Variants in ACACA observed in about 807,000 individuals in gnomAD.
ACACA encodes acetyl-CoA carboxylase 1.
Under a neutral mutation model 296.1 loss-of-function variants are expected in ACACA, and 103 were observed. The ratio of observed to expected loss-of-function variants is 0.35; its 90% CI spans 0.30 to 0.41. The LOEUF (loss-of-function observed/expected upper bound fraction) is 0.41, where lower values mean the gene tolerates loss of function less well. Ranked by LOEUF, ACACA falls within the 10% of genes least tolerant of loss-of-function variation. The pLI, the probability that ACACA is intolerant of heterozygous loss-of-function variation, is 1.00. For missense variants in ACACA, 1,554 were observed against 2,989.7 expected (o/e 0.52, Z 11.20); for synonymous variants, 953 against 1,038.6 (o/e 0.92, Z 1.58).
At chr17:37,316,678 A>G (rs1010377149) in intron 3 of ACACA, among the ~76,000 whole-genome samples, 2 of 152,208 alleles carry the variant, frequency 1.3e-5, no homozygotes, top group African/African-American at 4.8e-5. Context: ...CATATAACCC[A>G]GCAATTCCAC....
At chr17:37,297,265 A>C (rs1214506487) in intron 3 of ACACA, among the ~76,000 whole-genome samples, 4 of 151,198 alleles carry the variant, frequency 2.6e-5, no homozygotes, top group Non-Finnish European at 5.9e-5. Flanking sequence ...AACATGGAGA[A>C]ACCCCATCTC....
intron 3 of ACACA, among the ~76,000 whole-genome samples, chr17:37,313,551 T>C (rs1425000952): frequency 6.6e-6 from 1 of 152,184 alleles, no homozygotes; most frequent in Non-Finnish European, 1.5e-5. Flanking sequence ...GACATACAAT[T>C]AGCAAACAGC....
chr17:37,187,467 G>A (rs1167010589), intron 39 of ACACA, among the ~76,000 whole-genome samples: 5 of 152,154 alleles, frequency 3.3e-5, no homozygotes, highest in Non-Finnish European at 5.9e-5. Context: ...TCAGGCCAAA[G>A]CCATAAAATA....
intron 40 of ACACA, 46 bp downstream of exon 40, chr17:37,181,155 C>A (rs1037031841): frequency 2.5e-6 from 4 of 1,609,424 alleles, no homozygotes; most frequent in Non-Finnish European, 3.4e-6. Context: ...TTCAGGGAAA[C>A]CTTGCCTCCT....
chr17:37,139,373 AGGT>A (rs1242988886), intron 45 of ACACA, among the ~76,000 whole-genome samples: 1 of 152,166 alleles, frequency 6.6e-6, no homozygotes, highest in Admixed American at 6.5e-5. Context: ...AGAACCCTGG[AGGT>A]GGAAATGGAC....
At chr17:37,166,608 G>A (rs2076678087) in intron 41 of ACACA, among the ~76,000 whole-genome samples, 1 of 152,122 alleles carries the variant, frequency 6.6e-6, no homozygotes, top group Non-Finnish European at 1.5e-5. Flanking sequence ...TTTACTATCT[G>A]CTGTACTGTT....
chr17:37,128,779 A>C (rs2074950625), intron 47 of ACACA, among the ~76,000 whole-genome samples: 2 of 152,250 alleles, frequency 1.3e-5, no homozygotes, highest in South Asian at 4.1e-4. Context: ...CTATATAATT[A>C]AAAGTTCTGG....
chr17:37,258,005 G>T, intron 13 of ACACA, 139 bp from the exon 14 acceptor site: 1 of 1,225,628 alleles, frequency 8.2e-7, no homozygotes, highest in Non-Finnish European at 1.2e-6. Flanking sequence ...AAGACCCAGT[G>T]CCACAGACCC....
intron 1 of ACACA, among the ~76,000 whole-genome samples, chr17:37,399,091 T>G (rs951447806): frequency 6.6e-5 from 10 of 151,638 alleles, no homozygotes; most frequent in African/African-American, 2.4e-4. Flanking sequence ...GCGATTCTCC[T>G]GCCTCAGCCT....
At chr17:37,394,814 G>A (rs1343038395) in intron 1 of ACACA, among the ~76,000 whole-genome samples, 5 of 150,844 alleles carry the variant, frequency 3.3e-5, no homozygotes, top group Middle Eastern at 3.4e-3. Context: ...GCGTGAACCC[G>A]GGAGGCGGAG....
chr17:37,171,356 T>G (rs886937027), intron 41 of ACACA, among the ~76,000 whole-genome samples: 2 of 152,186 alleles, frequency 1.3e-5, no homozygotes, highest in African/African-American at 2.4e-5. Flanking sequence ...GAATCTGAAC[T>G]TGAGTCCCTT....
At chr17:37,242,195 A>G (rs1317167612) in intron 22 of ACACA, 142 bp from the exon 23 acceptor site, 3 of 713,416 alleles carry the variant, frequency 4.2e-6, no homozygotes, top group Non-Finnish European at 7.5e-6. Context: ...GCTGGAAGTT[A>G]CCAGGCGTAG....
At chr17:37,381,831 G>A (rs1473118205) in intron 1 of ACACA, among the ~76,000 whole-genome samples, 1 of 151,540 alleles carries the variant, frequency 6.6e-6, no homozygotes, top group Non-Finnish European at 1.5e-5. Flanking sequence ...GTTTCACCGT[G>A]TTGGCCAGGA....
rs2082269241 is a variant in ACACA at position 37,275,972 on chromosome 17, T to C, written c.880A>G (p.Thr294Ala). Residue 294 changes from threonine (T) to alanine (A), a missense_variant, in exon 8 of 56, where the codon ACT becomes GCT. Transcript: ENST00000616317. Reference sequence around the variant, plus strand: ...TTACCACTGCCGCTCCAGGGAAGAGTTGGGATACCTGCAGTTTGAGCCACT... The same window carrying C: ...TTACCACTGCCGCTCCAGGGAAGAGCTGGGATACCTGCAGTTTGAGCCACT... ...SIVAQTAGIP[T>A]LPWSGSGLRV... 5 of 1,614,118 alleles carry C rather than the reference T, an allele frequency of 3.1e-6. No homozygotes were observed. In the East Asian group the frequency reaches 6.7e-5, roughly 22 times the overall value.
chr17:37,366,611 G>A (rs1252728388), intron 1 of ACACA, among the ~76,000 whole-genome samples: 1 of 151,812 alleles, frequency 6.6e-6, no homozygotes, highest in Non-Finnish European at 1.5e-5. Context: ...TGGGATTACA[G>A]GCACCTGCCA....
At chr17:37,126,621 T>C (rs1012959822) in intron 47 of ACACA, among the ~76,000 whole-genome samples, 2 of 152,224 alleles carry the variant, frequency 1.3e-5, no homozygotes, top group Non-Finnish European at 2.9e-5. Flanking sequence ...ATTCTTCTAA[T>C]TTGAACATGG....
intron 10 of ACACA, among the ~76,000 whole-genome samples, 194 bp from the exon 11 acceptor site, chr17:37,264,088 A>G (rs1037343678): frequency 8.5e-5 from 13 of 152,244 alleles, no homozygotes; most frequent in African/African-American, 3.1e-4. Flanking sequence ...CTGCATTCTT[A>G]CATAACCAAT....
intron 23 of ACACA, 99 bp downstream of exon 23, chr17:37,241,854 C>T: frequency 3.3e-6 from 3 of 908,946 alleles, no homozygotes; most frequent in Non-Finnish European, 5.5e-6. Context: ...TTTCCAATTT[C>T]TTGAAGTCAA....
At chr17:37,123,846 T>TTA (rs1405888392) in intron 48 of ACACA, among the ~76,000 whole-genome samples, 3 of 152,222 alleles carry the variant, frequency 2.0e-5, no homozygotes, top group Non-Finnish European at 4.4e-5. Context: ...AACTTATAAC[T>TTA]TATATATTAG....
Sources: gnomAD v4.1 joint callset for allele counts (sites outside exome capture counted in the v4.1 genomes callset) on GRCh38, gnomAD v4.1.1 for gene constraint, MANE v1.5 for transcripts, NCBI Gene and HGNC (gene_info 2026-07-23, HGNC 2026-07-21) for gene names.